Variants in PARD3B observed in about 807,000 individuals in gnomAD.
The protein encoded by PARD3B is par-3 family cell polarity regulator beta.
Under a neutral mutation model 130.2 loss-of-function variants are expected in PARD3B, and 103 were observed. The ratio of observed to expected loss-of-function variants is 0.79; its 90% CI spans 0.67 to 0.93. The LOEUF is 0.93. PARD3B is among the 40% of genes least tolerant of loss of function. PARD3B has a pLI of 0.00. For missense variants in PARD3B, 1,609 were observed against 1,499.2 expected (o/e 1.07, Z -1.21); for synonymous variants, 583 against 553.2 (o/e 1.05, Z -0.76).
Position 204,580,380 on chromosome 2 carries a change from T to C in PARD3B, c.120+34261T>C, listed in dbSNP as rs189610049. On this transcript the variant is annotated intron_variant, in intron 1 of 22. Coordinates refer to ENST00000406610, the MANE Select transcript of PARD3B (RefSeq NM_001302769.2). ...CTTCTTTCTGGGAGCTCCTCTCTCT[T>C]CTTCGTCACTCATGCCCAGGGTCAC... 9.7e-4 allele frequency among the ~76,000 whole-genome samples: 147 copies of C among 152,322 alleles called. No individual in the cohort carries two copies. The East Asian group carries it at 9.8e-3, about 10-fold the overall frequency.
intron 2 of PARD3B, among the ~76,000 whole-genome samples, chr2:204,789,872 C>CTT (rs386392368): frequency 4.3e-5 from 6 of 139,402 alleles, no homozygotes; most frequent in Non-Finnish European, 3.2e-5. Context: ...TAGTTTTCTT[C>CTT]TTTTTTTTTT....
chr2:204,580,935 G>A (rs976434960), intron 1 of PARD3B, among the ~76,000 whole-genome samples: 1 of 152,138 alleles, frequency 6.6e-6, no homozygotes, highest in African/African-American at 2.4e-5. Context: ...CTGGAACACA[G>A]GTGACATTTC....
chr2:204,651,392 G>C (rs1206716452), intron 1 of PARD3B, among the ~76,000 whole-genome samples: 2 of 152,342 alleles, frequency 1.3e-5, no homozygotes, highest in East Asian at 1.9e-4. Context: ...AAACCCAGCA[G>C]GGCACTCATT....
chr2:205,154,648 A>G (rs538914201), intron 10 of PARD3B, among the ~76,000 whole-genome samples: 1 of 152,352 alleles, frequency 6.6e-6, no homozygotes, highest in African/African-American at 2.4e-5. Flanking sequence ...AACCAACCCA[A>G]ATGTCCATCA....
At chr2:205,282,851 G>T (rs1343111625) in intron 16 of PARD3B, among the ~76,000 whole-genome samples, 1 of 152,162 alleles carries the variant, frequency 6.6e-6, no homozygotes, top group Non-Finnish European at 1.5e-5. Context: ...GAAGGTTTGG[G>T]TGTTATAGTA....
intron 2 of PARD3B, among the ~76,000 whole-genome samples, chr2:204,803,456 T>C (rs979908632): frequency 1.3e-5 from 2 of 152,168 alleles, no homozygotes; most frequent in Non-Finnish European, 2.9e-5. Flanking sequence ...GATGAACCTA[T>C]TAAAATAACT....
chr2:205,112,876 A>C (rs955286229), intron 5 of PARD3B, among the ~76,000 whole-genome samples: 2 of 152,140 alleles, frequency 1.3e-5, no homozygotes, highest in Non-Finnish European at 2.9e-5. Flanking sequence ...CCTTTACAAA[A>C]GTATAGGAGG....
intron 11 of PARD3B, among the ~76,000 whole-genome samples, chr2:205,165,626 G>C (rs1262627980): frequency 6.6e-6 from 1 of 151,620 alleles, no homozygotes; most frequent in Non-Finnish European, 1.5e-5. Context: ...GCTGAGGCAG[G>C]AGAATTGCTT....
intron 21 of PARD3B, among the ~76,000 whole-genome samples, chr2:205,535,501 A>C (rs2051809066): frequency 1.3e-5 from 2 of 152,234 alleles, no homozygotes; most frequent in South Asian, 4.1e-4. Context: ...TGAATATTCT[A>C]GTTCAAACTC....
In PARD3B at chr2:205,244,293, CT is replaced by C. The variant is rs2039477186; in HGVS notation, c.2141-1483del. Among the ~76,000 whole-genome samples the C allele has an allele frequency of 6.6e-6, 1 of 152,174 alleles. No homozygotes were observed. Reference sequence around the variant, plus strand: ...GTTAGGCGAAATGGAAGAGATTCTTCTTGTTAGCAAATTTCCCCTCGCCTTG... The same window carrying C: ...GTTAGGCGAAATGGAAGAGATTCTTCTGTTAGCAAATTTCCCCTCGCCTTG... On this transcript the variant is annotated intron_variant, in intron 15 of 22. Transcript: ENST00000406610. The surrounding 1 kb of genome is among the most constrained non-coding windows in gnomAD (Gnocchi z 4.7).
intron 18 of PARD3B, among the ~76,000 whole-genome samples, chr2:205,340,821 G>T (rs1034524949): frequency 6.6e-6 from 1 of 151,956 alleles, no homozygotes; most frequent in Non-Finnish European, 1.5e-5. Context: ...CTCCACTCTG[G>T]GTGAAAATAT....
chr2:204,821,777 C>T (rs1201392329), intron 2 of PARD3B, among the ~76,000 whole-genome samples: 1 of 152,034 alleles, frequency 6.6e-6, no homozygotes, highest in Non-Finnish European at 1.5e-5. Flanking sequence ...CTTTGCCTGC[C>T]ACCATCCATG....
intron 2 of PARD3B, among the ~76,000 whole-genome samples, chr2:204,930,315 G>A (rs1006593125): frequency 4.6e-5 from 7 of 151,692 alleles, no homozygotes; most frequent in South Asian, 2.1e-4. Context: ...CTGTGAATGC[G>A]CAAATCCCTG....
chr2:205,347,010 T>C (rs2043819673), intron 18 of PARD3B, among the ~76,000 whole-genome samples: 1 of 152,194 alleles, frequency 6.6e-6, no homozygotes. Context: ...TGCACTTGGG[T>C]TTTCTTTTGT....
Position 205,325,859 on chromosome 2 carries a change from T to TA in PARD3B, c.2630+24158_2630+24159insA, listed in dbSNP as rs2042921996. On this transcript the variant is annotated intron_variant, in intron 18 of 22. Transcript: ENST00000406610. This position sits in a 1 kb window ranked among gnomAD's most constrained non-coding sequence, Gnocchi z 4.1. ...GGGCAAATATATAGAAGGAACAAAA[T>TA]TGAAAAACAAATAAAAATAAATAAA... Among the ~76,000 whole-genome samples the TA allele has an allele frequency of 6.6e-6, 1 of 152,022 alleles. No homozygotes were observed. Among genetic ancestry groups the TA allele is most frequent in the Non-Finnish European group, 1.5e-5 (1 of 68,010 alleles).
At chr2:205,066,789 A>T (rs1700406801) in intron 4 of PARD3B, among the ~76,000 whole-genome samples, 1 of 151,992 alleles carries the variant, frequency 6.6e-6, no homozygotes, top group Admixed American at 6.6e-5. Context: ...TCATCTAAAT[A>T]ACTGATGACT....
chr2:205,185,904 G>T (rs558318352), intron 14 of PARD3B, 41 bp downstream of exon 14: 1 of 1,515,572 alleles, frequency 6.6e-7, no homozygotes, highest in African/African-American at 1.4e-5. Flanking sequence ...CCTTGTTATT[G>T]TTTTTCTGGG....
At chr2:204,741,373 G>C (rs1480196639) in intron 2 of PARD3B, among the ~76,000 whole-genome samples, 2 of 151,990 alleles carry the variant, frequency 1.3e-5, no homozygotes, top group Admixed American at 6.6e-5. Context: ...TTCTATGATA[G>C]GCCTGAGGAA....
chr2:205,458,519 T>A lies in PARD3B; in HGVS notation c.3044+17847T>A, dbSNP rs2048346760. On this transcript the variant is annotated intron_variant, in intron 20 of 22. Coordinates refer to ENST00000406610, the MANE Select transcript of PARD3B (RefSeq NM_001302769.2). The surrounding 1 kb of genome is among the most constrained non-coding windows in gnomAD (Gnocchi z 4.8). ...TAAACCCTTCTGTTGAGCACTTAAT[T>A]TTAGTTATTGTAATTTTCAGTTTTA... Among the ~76,000 whole-genome samples the A allele has an allele frequency of 6.6e-6, 1 of 152,168 alleles. No individual in the cohort carries two copies. Among genetic ancestry groups the A allele is most frequent in the Non-Finnish European group, 1.5e-5 (1 of 68,034 alleles).
Sources: gnomAD v4.1 joint callset for allele counts (sites outside exome capture counted in the v4.1 genomes callset) on GRCh38, gnomAD v4.1.1 for gene constraint, Gnocchi (gnomAD v3.1) non-coding constraint, MANE v1.5 for transcripts, NCBI Gene and HGNC (gene_info 2026-07-23, HGNC 2026-07-21) for gene names.